GSK3B: variants seen among roughly 807,000 people sequenced by gnomAD.
The protein encoded by GSK3B is glycogen synthase kinase-3 beta.
A neutral mutation model predicts 56.4 loss-of-function variants in GSK3B; 15 were observed. That is an observed-to-expected ratio of 0.27 (90% CI 0.18 to 0.41). The LOEUF (loss-of-function observed/expected upper bound fraction) is 0.41. GSK3B is among the 10% of genes least tolerant of loss of function. The pLI is 1.00. For synonymous variants in GSK3B, 181 were observed against 188.9 expected (o/e 0.96, Z 0.34); for missense variants, 300 against 513.4 (o/e 0.58, Z 4.02).
At chr3:119,852,348 C>A (rs1159176746) in intron 9 of GSK3B, among the ~76,000 whole-genome samples, 1 of 150,938 alleles carries the variant, frequency 6.6e-6, no homozygotes, top group Non-Finnish European at 1.5e-5. Context: ...ATATTCAGAA[C>A]TCTATTTTTT....
chr3:119,967,047 C>A (rs1487231767), intron 2 of GSK3B, among the ~76,000 whole-genome samples: 1 of 151,686 alleles, frequency 6.6e-6, no homozygotes, highest in African/African-American at 2.4e-5. Context: ...CAAAATTGAT[C>A]TACAGATCCA....
chr3:119,997,533 T>C (rs1449290209), intron 2 of GSK3B, among the ~76,000 whole-genome samples: 2 of 152,244 alleles, frequency 1.3e-5, no homozygotes, highest in African/African-American at 4.8e-5. Context: ...AGGCTGAATA[T>C]TGTAAATCTG....
chr3:119,942,429 G>A lies in GSK3B; in HGVS notation c.366+4839C>T, dbSNP rs550258051. Among the ~76,000 whole-genome samples the A allele has an allele frequency of 1.5e-4, 23 of 152,216 alleles. No individual in the cohort carries two copies. The South Asian group carries it at 4.8e-3, about 32-fold the overall frequency. On this transcript the variant is annotated intron_variant, in intron 3 of 10. Coordinates refer to ENST00000264235, the MANE Select transcript of GSK3B (RefSeq NM_001146156.2). ...TTCTCCTGCCTCAGCCTCTCGAGTA[G>A]CTGGGATTACAGGCACCCACCACCA...
At chr3:119,899,444 G>T (rs539974084) in intron 7 of GSK3B, among the ~76,000 whole-genome samples, 2 of 152,224 alleles carry the variant, frequency 1.3e-5, no homozygotes, top group African/African-American at 4.8e-5. Context: ...GGTAATGAAT[G>T]TAAAGTGCTT....
chr3:120,093,322 G>C (rs753649900), intron 1 of GSK3B, 25 bp downstream of exon 1: 9 of 1,424,512 alleles, frequency 6.3e-6, no homozygotes, highest in Non-Finnish European at 8.9e-6. Flanking sequence ...GTGGAAAAGG[G>C]GTGTAAAATA....
At chr3:119,876,573 C>T in intron 7 of GSK3B, 65 bp from the exon 8 acceptor site, 1 of 879,772 alleles carries the variant, frequency 1.1e-6, no homozygotes, top group Non-Finnish European at 1.9e-6. Context: ...TCCATGTTTT[C>T]AGGCATTGGA....
At chr3:120,026,301 T>C (rs1429745405) in intron 1 of GSK3B, among the ~76,000 whole-genome samples, 1 of 152,124 alleles carries the variant, frequency 6.6e-6, no homozygotes, top group Non-Finnish European at 1.5e-5. Flanking sequence ...AGTTATTTGT[T>C]AGAGGCAATG....
At chr3:119,839,445 T>C (rs72967133) in intron 10 of GSK3B, among the ~76,000 whole-genome samples, 1,845 of 152,272 alleles carry the variant, frequency 0.012, 33 homozygotes, top group African/African-American at 0.042. Context: ...AACTCCATTC[T>C]TGTTTAAGCC....
At chr3:119,963,625 C>CAAAAAAAAAAAAAAAAAAAAA (rs774359104) in intron 2 of GSK3B, among the ~76,000 whole-genome samples, 8 of 79,152 alleles carry the variant, frequency 1.0e-4, no homozygotes, top group South Asian at 4.6e-4. Context: ...TTCTTCCCCA[C>CAAAAAAAAAAAAAAAAAAAAA]AAAAAAAAAA....
chr3:119,961,985 G>A lies in GSK3B; in HGVS notation c.283-14634C>T, dbSNP rs571533635. Among the ~76,000 whole-genome samples the A allele has an allele frequency of 1.1e-4, 16 of 152,326 alleles. No individual in the cohort carries two copies. The East Asian group carries it at 2.9e-3, about 28-fold the overall frequency. ...TAAGCTATAATGTACTACAGATGAG[G>A]TGCATTAAATGTATTTTTGACTTAA... On this transcript the variant is annotated intron_variant, in intron 2 of 10. Transcript: ENST00000264235.
chr3:119,836,060 G>A (rs1451854175), intron 10 of GSK3B, among the ~76,000 whole-genome samples: 1 of 152,158 alleles, frequency 6.6e-6, no homozygotes, highest in African/African-American at 2.4e-5. Flanking sequence ...ATTCTGGGGT[G>A]AAAATAATTG....
At chr3:119,905,085 TAA>T (rs2056669109) in intron 7 of GSK3B, among the ~76,000 whole-genome samples, 1 of 151,604 alleles carries the variant, frequency 6.6e-6, no homozygotes, top group African/African-American at 2.4e-5. Flanking sequence ...ACATATATTC[TAA>T]GATAATATTT....
intron 1 of GSK3B, among the ~76,000 whole-genome samples, chr3:120,002,489 C>T (rs1015550424): frequency 6.6e-6 from 1 of 152,120 alleles, no homozygotes; most frequent in South Asian, 2.1e-4. Flanking sequence ...CAGGCACCTG[C>T]CACCACGTCT....
rs1026969254 is a variant in GSK3B, at chr3:120,075,494, C to A, written c.88+17853G>T. 2.0e-5 allele frequency among the ~76,000 whole-genome samples: 3 copies of A among 152,082 alleles called. No homozygotes were observed. The South Asian group carries it at 6.2e-4, about 32-fold the overall frequency. The stretch of plus-strand genomic sequence containing the variant: ...TCCCATATATAGAAAACTCCAAAGA[C>A]CACATGAAAAACTGTTAGATTGAAT... On this transcript the variant is annotated intron_variant, in intron 1 of 10. Transcript: ENST00000264235.
At chr3:119,966,463 C>T (rs1576235004) in intron 2 of GSK3B, among the ~76,000 whole-genome samples, 1 of 152,124 alleles carries the variant, frequency 6.6e-6, no homozygotes. Flanking sequence ...GGTAAAATGA[C>T]TTCTCCAATT....
intron 10 of GSK3B, among the ~76,000 whole-genome samples, chr3:119,829,239 AT>A: frequency 6.6e-6 from 1 of 152,296 alleles, no homozygotes. Context: ...CATTTTCATG[AT>A]TCATGCACAG....
intron 7 of GSK3B, among the ~76,000 whole-genome samples, chr3:119,895,128 C>T (rs571553795): frequency 6.6e-6 from 1 of 152,264 alleles, no homozygotes; most frequent in African/African-American, 2.4e-5. Flanking sequence ...CTCTCTCCTT[C>T]TGGAATTCAA....
At chr3:120,065,078 A>G (rs1198740628) in intron 1 of GSK3B, among the ~76,000 whole-genome samples, 4 of 152,222 alleles carry the variant, frequency 2.6e-5, no homozygotes, top group Non-Finnish European at 4.4e-5. Context: ...CTCTTTTTAG[A>G]TATGATGCCA....
At chr3:119,929,901 CAA>C (rs202140622) in intron 3 of GSK3B, among the ~76,000 whole-genome samples, 12,068 of 139,268 alleles carry the variant, frequency 0.087, 627 homozygotes, top group Non-Finnish European at 0.12. Flanking sequence ...AACTCTGCCT[CAA>C]AAAAAAAAAA....
Sources: gnomAD v4.1 joint callset for allele counts (sites outside exome capture counted in the v4.1 genomes callset) on GRCh38, gnomAD v4.1.1 for gene constraint, MANE v1.5 for transcripts, NCBI Gene and HGNC (gene_info 2026-07-23, HGNC 2026-07-21) for gene names.